The following ARHGEF18 variants were observed in gnomAD, a reference collection of about 807,000 sequenced individuals.
ARHGEF18 encodes the protein Rho/Rac guanine nucleotide exchange factor 18.
A neutral mutation model predicts 155.7 loss-of-function variants in ARHGEF18; 93 were observed. That is an observed-to-expected ratio of 0.60 (90% CI 0.50 to 0.71). ARHGEF18 has a LOEUF of 0.71. Ranked by LOEUF, ARHGEF18 falls within the 30% of genes least tolerant of loss-of-function variation. The probability of loss-of-function intolerance (pLI) is 0.00; values close to 1 mark genes in which losing one functional copy is unlikely to be tolerated. For missense variants in ARHGEF18, 1,593 were observed against 1,816.1 expected (o/e 0.88, Z 2.23); for synonymous variants, 742 against 753.1 (o/e 0.99, Z 0.24).
rs1970605801 is a variant in ARHGEF18 at position 7,379,147 on chromosome 19, G to T, written c.625G>T (p.Glu209Ter). The change falls in exon 7 of 29, where the codon GAA becomes TAA. Residue 209 changes from glutamate to a stop codon, truncating the protein, a stop_gained. Transcript: ENST00000668164. LOFTEE classifies it high-confidence loss of function. ...GCTGATTGTCCAGCAGGTGCTTCAA[G>T]AACTTCGACAGTACCATGGGTAAGT... ...HVLIVQQVLQELRQYHGARQR... is the reference protein window; with the variant it reads ...HVLIVQQVLQ 8.1e-7 allele frequency: 1 copy of T among 1,232,640 alleles called. No individual in the cohort carries two copies. Among genetic ancestry groups the T allele is most frequent in the Middle Eastern group, 3.1e-4 (1 of 3,212 alleles). 76.4% of individuals were successfully genotyped at this position (1,232,640 alleles called of 1,614,324 possible). A position where few individuals can be genotyped will look rare whatever the true frequency, so the allele number is the denominator to read the frequency against.
At chr19:7,479,819 TG>T in the ARHGEF18 span, among the ~76,000 whole-genome samples, 1 of 152,236 alleles carries the variant, frequency 6.6e-6, no homozygotes, top group South Asian at 2.1e-4. Context: ...GCTACTCACT[TG>T]GGGTGATGAT....
rs1395235764 is a variant in ARHGEF18, at chr19:7,472,344, T to C, written c.*2046T>C. ...ATTTTCGTGGGATCTGCACACGTCTTTGTCAGTTGTGGTCATGATCTTAGT... is the reference window on the plus strand; with the variant it reads ...ATTTTCGTGGGATCTGCACACGTCTCTGTCAGTTGTGGTCATGATCTTAGT... On this transcript the variant is annotated 3_prime_UTR_variant, in exon 29 of 29. Transcript: ENST00000668164. The C allele has an allele frequency of 6.5e-6, 1 of 153,116 alleles. No homozygotes were observed. Among genetic ancestry groups the C allele is most frequent in the Admixed American group, 6.5e-5 (1 of 15,400 alleles). 9.5% of individuals were successfully genotyped at this position (153,116 alleles called of 1,614,324 possible). A position where few individuals can be genotyped will look rare whatever the true frequency, so the allele number is the denominator to read the frequency against.
chr19:7,407,685 C>A (rs1972398720), intron 10 of ARHGEF18, among the ~76,000 whole-genome samples: 1 of 152,022 alleles, frequency 6.6e-6, no homozygotes. Context: ...ATATAGTAGG[C>A]CAGGGGCCAG....
chr19:7,360,076 A>C lies in ARHGEF18; in HGVS notation c.-110-2705A>C, dbSNP rs1000769572. 3.9e-5 allele frequency among the ~76,000 whole-genome samples: 6 copies of C among 152,032 alleles called. No homozygotes were observed. The East Asian group carries it at 1.2e-3, about 29-fold the overall frequency. On this transcript the variant is annotated intron_variant, in intron 1 of 28. Coordinates refer to ENST00000668164, the MANE Select transcript of ARHGEF18 (RefSeq NM_001367823.1). ...AGTCTGAGACAGGAGAATCGCTTGT[A>C]CCCAGGAGGTGGAGACTGCAGTGAG...
chr19:7,385,993 T>C (rs1173104130), intron 10 of ARHGEF18, among the ~76,000 whole-genome samples: 7 of 117,208 alleles, frequency 6.0e-5, no homozygotes, highest in Non-Finnish European at 8.8e-5. Flanking sequence ...TCTCTCTCTC[T>C]CTCCCTCTCT....
downstream of ARHGEF18, chr19:7,477,018 G>A: frequency 2.1e-6 from 1 of 469,284 alleles, no homozygotes; most frequent in Non-Finnish European, 3.5e-6. Context: ...CCTGAAAACT[G>A]TCACGGCTCA....
At position 7,373,081 on chromosome 19, in the gene ARHGEF18, C is replaced by T. The variant is rs902206410; in HGVS notation, c.275+10C>T. On this transcript the variant is annotated intron_variant, in intron 3 of 28. Transcript: ENST00000668164. ...CAGAGAGCTGGCGGAGGTCAGTTCC[C>T]CACTGCTGCCTGCTTCCCACAATGC... 1 of 1,234,494 alleles carries T rather than the reference C, an allele frequency of 8.1e-7. No individual in the cohort carries two copies. Among genetic ancestry groups the T allele is most frequent in the Non-Finnish European group, 1.0e-6 (1 of 988,356 alleles). The allele number at this position is 1,234,494 out of a possible 1,614,324, so 76.5% of individuals were successfully genotyped here. A position where few individuals can be genotyped will look rare whatever the true frequency, so the allele number is the denominator to read the frequency against.
intron 10 of ARHGEF18, among the ~76,000 whole-genome samples, chr19:7,393,751 A>G (rs566703863): frequency 6.6e-6 from 1 of 150,444 alleles, no homozygotes; most frequent in Non-Finnish European, 1.5e-5. Flanking sequence ...TATGTGTTTC[A>G]GACTCTGAGC....
At chr19:7,431,314 C>T (rs1005507750) in intron 10 of ARHGEF18, among the ~76,000 whole-genome samples, 1 of 151,672 alleles carries the variant, frequency 6.6e-6, no homozygotes, top group Non-Finnish European at 1.5e-5. Flanking sequence ...GTCAGGCATT[C>T]GAAACCAGCC....
At chr19:7,453,192 G>A (rs989101660) in intron 16 of ARHGEF18, among the ~76,000 whole-genome samples, 5 of 151,550 alleles carry the variant, frequency 3.3e-5, no homozygotes, top group South Asian at 2.1e-4. Context: ...GCCAGACTCC[G>A]TCCACCCTAC....
intron 3 of ARHGEF18, among the ~76,000 whole-genome samples, chr19:7,375,434 A>AG: frequency 6.6e-6 from 1 of 152,096 alleles, no homozygotes; most frequent in Admixed American, 6.6e-5. Context: ...AAAGGAAGGA[A>AG]GAAAAGAAAA....
chr19:7,470,074 G>A lies in ARHGEF18; in HGVS notation c.3913+45G>A, dbSNP rs764019973. ...CATGAGCCCAGTCCCAGGGCAGCGG[G>A]GCTGCGGCACCACCCGGCGACTGCT... is the stretch of plus-strand genomic sequence containing the variant. On this transcript the variant is annotated intron_variant, in intron 28 of 28. Coordinates refer to ENST00000668164, the MANE Select transcript of ARHGEF18 (RefSeq NM_001367823.1). This position sits in a 1 kb window ranked among gnomAD's most constrained non-coding sequence, Gnocchi z 5.9. 6.2e-6 allele frequency: 10 copies of A among 1,611,344 alleles called. No individual in the cohort carries two copies. Among genetic ancestry groups the A allele is most frequent in the Admixed American group, 1.7e-5 (1 of 59,882 alleles).
At chr19:7,355,940 C>T (rs988573833) in intron 1 of ARHGEF18, among the ~76,000 whole-genome samples, 3 of 152,120 alleles carry the variant, frequency 2.0e-5, no homozygotes, top group Non-Finnish European at 4.4e-5. Context: ...TTGTCTCGGG[C>T]GGTAAATTTG....
intron 2 of ARHGEF18, among the ~76,000 whole-genome samples, chr19:7,367,977 A>AAGAGAGAGAGAGAGAGAG (rs537429456): frequency 3.0e-5 from 2 of 66,760 alleles, no homozygotes; most frequent in African/African-American, 1.5e-4. Flanking sequence ...AAAGGAAAGA[A>AAGAGAGAGAGAGAGAGAG]AGAGAGAGAG....
intron 10 of ARHGEF18, among the ~76,000 whole-genome samples, chr19:7,386,361 G>C (rs1971075333): frequency 6.6e-6 from 1 of 152,044 alleles, no homozygotes; most frequent in Non-Finnish European, 1.5e-5. Flanking sequence ...CTGTGCCTGG[G>C]AGGAGGTTGA....
chr19:7,362,953 C>A, intron 2 of ARHGEF18, 48 bp downstream of exon 2: 1 of 1,234,328 alleles, frequency 8.1e-7, no homozygotes, highest in African/African-American at 1.5e-5. Flanking sequence ...ACGACAGTGG[C>A]AGCAAGTACA....
intron 26 of ARHGEF18, among the ~76,000 whole-genome samples, chr19:7,468,303 G>A (rs1280784297): frequency 2.0e-5 from 3 of 151,434 alleles, no homozygotes; most frequent in Admixed American, 6.6e-5. Context: ...CTAGCTACTC[G>A]GGAGGCTGAG....
At chr19:7,456,489 G>A in intron 18 of ARHGEF18, 86 bp downstream of exon 18, 7 of 1,250,188 alleles carry the variant, frequency 5.6e-6, no homozygotes, top group Non-Finnish European at 8.2e-6. Flanking sequence ...GGCCGAGGTG[G>A]GCAGATCACT....
chr19:7,424,987 C>T (rs1247015583), intron 10 of ARHGEF18, among the ~76,000 whole-genome samples: 3 of 147,238 alleles, frequency 2.0e-5, no homozygotes, highest in East Asian at 2.0e-4. Flanking sequence ...AGTGAGACTA[C>T]GTCTCGGGGA....
Sources: allele counts gnomAD v4.1 joint callset (sites outside exome capture counted in the v4.1 genomes callset), GRCh38; gene constraint gnomAD v4.1.1; non-coding constraint Gnocchi (gnomAD v3.1); transcripts MANE v1.5; gene names NCBI Gene and HGNC (gene_info 2026-07-23, HGNC 2026-07-21).